Variants in UHRF2 observed in about 807,000 individuals in gnomAD.
UHRF2 encodes E3 ubiquitin-protein ligase UHRF2.
Under a neutral mutation model 96.8 loss-of-function variants are expected in UHRF2, and 23 were observed. The observed-to-expected ratio is 0.24, with a 90% CI of 0.17 to 0.34. The LOEUF (loss-of-function observed/expected upper bound fraction) is 0.34. Ranked by LOEUF, UHRF2 falls within the 10% of genes least tolerant of loss-of-function variation. UHRF2 has a pLI of 1.00. For synonymous variants in UHRF2, 385 were observed against 332.6 expected (o/e 1.16, Z -1.72); for missense variants, 685 against 981.5 (o/e 0.70, Z 4.04).
At chr9:6,461,863 GTTCT>G (rs1402975579) in intron 4 of UHRF2, among the ~76,000 whole-genome samples, 6 of 151,926 alleles carry the variant, frequency 3.9e-5, no homozygotes, top group African/African-American at 1.4e-4. Context: ...ATCATTTCCA[GTTCT>G]TTATTATCAG....
intron 5 of UHRF2, among the ~76,000 whole-genome samples, 194 bp from the exon 6 acceptor site, chr9:6,477,428 A>T (rs571072696): frequency 1.4e-3 from 208 of 152,084 alleles, no homozygotes; most frequent in African/African-American, 4.8e-3. Flanking sequence ...CGAGAAGCTG[A>T]GGCGGGAGAA....
intron 8 of UHRF2, among the ~76,000 whole-genome samples, chr9:6,484,323 G>C (rs1426186098): frequency 6.6e-6 from 1 of 151,996 alleles, no homozygotes; most frequent in Non-Finnish European, 1.5e-5. Flanking sequence ...CAGTACTCCA[G>C]CCTTGGCCTC....
intron 4 of UHRF2, among the ~76,000 whole-genome samples, chr9:6,472,174 A>ATTGGCCTTCTATCAGATTAGATTG (rs2130882694): frequency 6.6e-6 from 1 of 152,170 alleles, no homozygotes; most frequent in East Asian, 1.9e-4. Context: ...ACCACCACTG[A>ATTGGCCTTCTATCAGATTAGATTG]TTGGCCTTCT....
intron 9 of UHRF2, among the ~76,000 whole-genome samples, chr9:6,488,481 G>A (rs962854218): frequency 2.0e-5 from 3 of 147,028 alleles, no homozygotes; most frequent in Non-Finnish European, 3.0e-5. Context: ...CCTATCAGAC[G>A]TAGCCCCCCC....
intron 1 of UHRF2, among the ~76,000 whole-genome samples, chr9:6,419,790 G>C (rs542649157): frequency 2.0e-5 from 3 of 152,162 alleles, no homozygotes; most frequent in Non-Finnish European, 4.4e-5. Flanking sequence ...GCCCAGACTT[G>C]AGTGCAATAG....
At chr9:6,483,528 C>A (rs930696893) in intron 8 of UHRF2, among the ~76,000 whole-genome samples, 1 of 152,094 alleles carries the variant, frequency 6.6e-6, no homozygotes, top group Non-Finnish European at 1.5e-5. Context: ...AGTACAGACA[C>A]AGCCGTCTGT....
At chr9:6,487,468 G>A (rs1824372359) in intron 9 of UHRF2, among the ~76,000 whole-genome samples, 1 of 152,150 alleles carries the variant, frequency 6.6e-6, no homozygotes, top group Admixed American at 6.5e-5. Context: ...CCAGATTCAA[G>A]CGATTCTCCT....
At chr9:6,421,383 A>T (rs531058442) in intron 2 of UHRF2, among the ~76,000 whole-genome samples, 51 of 152,300 alleles carry the variant, frequency 3.3e-4, no homozygotes, top group African/African-American at 1.2e-3. Flanking sequence ...CACCAAGGTT[A>T]AGAAGTAGAT....
At chr9:6,417,609 A>G (rs1182598647) in intron 1 of UHRF2, among the ~76,000 whole-genome samples, 2 of 152,200 alleles carry the variant, frequency 1.3e-5, no homozygotes, top group Non-Finnish European at 2.9e-5. Context: ...ATTGCGGTAG[A>G]TAAATGGTCA....
intron 2 of UHRF2, among the ~76,000 whole-genome samples, chr9:6,423,514 A>T (rs1820055741): frequency 6.6e-6 from 1 of 152,170 alleles, no homozygotes; most frequent in South Asian, 2.1e-4. Context: ...GTTTGTCAGG[A>T]TGTGGGGACA....
intron 14 of UHRF2, among the ~76,000 whole-genome samples, chr9:6,502,043 A>G (rs961105844): frequency 3.3e-5 from 5 of 152,198 alleles, no homozygotes; most frequent in African/African-American, 1.2e-4. Flanking sequence ...GTTATGTACT[A>G]TTGCCCTGGA....
chr9:6,444,416 C>T (rs1224625746), intron 3 of UHRF2, among the ~76,000 whole-genome samples: 1 of 152,198 alleles, frequency 6.6e-6, no homozygotes, highest in Non-Finnish European at 1.5e-5. Flanking sequence ...AGAAAAAGAA[C>T]TTTACAGATA....
At chr9:6,458,241 A>G (rs990091745) in intron 3 of UHRF2, among the ~76,000 whole-genome samples, 1 of 152,084 alleles carries the variant, frequency 6.6e-6, no homozygotes, top group African/African-American at 2.4e-5. Context: ...GGGAGGGTGT[A>G]TGTGTCCAGG....
chr9:6,426,595 A>C (rs1479462005), intron 2 of UHRF2, among the ~76,000 whole-genome samples: 1 of 152,182 alleles, frequency 6.6e-6, no homozygotes, highest in Non-Finnish European at 1.5e-5. Context: ...ATAGAAGTAC[A>C]TATTTCTGGA....
At chr9:6,486,743 G>A in intron 8 of UHRF2, 78 bp from the exon 9 acceptor site, 2 of 1,407,886 alleles carry the variant, frequency 1.4e-6, no homozygotes, top group Non-Finnish European at 9.8e-7. Context: ...TAGGTACCAA[G>A]AATATATATG....
intron 8 of UHRF2, among the ~76,000 whole-genome samples, chr9:6,484,838 G>A (rs972700298): frequency 1.7e-5 from 2 of 120,660 alleles, no homozygotes; most frequent in Non-Finnish European, 3.2e-5. Flanking sequence ...TTGTTGCCCA[G>A]GCTGGAGTGC....
At chr9:6,442,373 G>T (rs1821219953) in intron 3 of UHRF2, among the ~76,000 whole-genome samples, 1 of 152,246 alleles carries the variant, frequency 6.6e-6, no homozygotes, top group South Asian at 2.1e-4. Context: ...GGATGAAGCA[G>T]CTCAGTCTCT....
chr9:6,484,597 A>T, intron 8 of UHRF2: 1 of 144,368 alleles, frequency 6.9e-6, no homozygotes. Context: ...TTTTTTGTAG[A>T]GTCTGGGTTT....
At chr9:6,463,959 G>C (rs904589920) in intron 4 of UHRF2, among the ~76,000 whole-genome samples, 1 of 152,236 alleles carries the variant, frequency 6.6e-6, no homozygotes, top group African/African-American at 2.4e-5. Context: ...AGTTTCTGTA[G>C]GATGTATCAT....
Sources: gnomAD v4.1 joint callset for allele counts (sites outside exome capture counted in the v4.1 genomes callset) on GRCh38, gnomAD v4.1.1 for gene constraint, MANE v1.5 for transcripts, NCBI Gene and HGNC (gene_info 2026-07-23, HGNC 2026-07-21) for gene names.